The following CDIN1 variants were observed in gnomAD, a reference collection of about 807,000 sequenced individuals.
CDIN1 encodes CDAN1-interacting nuclease 1.
In CDIN1, 33 loss-of-function variants were observed where a neutral mutation model predicts 45.3. The ratio of observed to expected loss-of-function variants is 0.73; its 90% CI spans 0.55 to 0.97. The LOEUF (loss-of-function observed/expected upper bound fraction) is 0.97. Among genes scored for constraint, CDIN1 ranks in the 50% least tolerant of loss-of-function variants. CDIN1 has a pLI of 0.00. For missense variants in CDIN1, 303 were observed against 339.4 expected (o/e 0.89, Z 0.84); for synonymous variants, 118 against 124.4 (o/e 0.95, Z 0.34).
At chr15:36,618,594 G>A in intron 1 of CDIN1, 1 of 838,472 alleles carries the variant, frequency 1.2e-6, no homozygotes, top group South Asian at 1.3e-5. Context: ...AGAATAGGAT[G>A]TCTGATGTTG....
intron 5 of CDIN1, among the ~76,000 whole-genome samples, chr15:36,668,498 C>T (rs1263479782): frequency 6.6e-6 from 1 of 152,034 alleles, no homozygotes; most frequent in Non-Finnish European, 1.5e-5. Flanking sequence ...TTGGAAAACC[C>T]AAGCCTACAT....
chr15:36,634,574 G>T (rs549012654), intron 1 of CDIN1, among the ~76,000 whole-genome samples: 1 of 151,754 alleles, frequency 6.6e-6, no homozygotes, highest in Non-Finnish European at 1.5e-5. Flanking sequence ...TATTAATCTT[G>T]TCTCCAGTTA....
intron 10 of CDIN1, among the ~76,000 whole-genome samples, chr15:36,790,590 T>G (rs2054619145): frequency 6.6e-6 from 1 of 152,222 alleles, no homozygotes; most frequent in Non-Finnish European, 1.5e-5. Flanking sequence ...ATTCCCTGAC[T>G]TGATTATTAC....
At chr15:36,636,949 A>G (rs566013214) in intron 1 of CDIN1, among the ~76,000 whole-genome samples, 1 of 152,316 alleles carries the variant, frequency 6.6e-6, no homozygotes, top group South Asian at 2.1e-4. Context: ...AGTACGCAAG[A>G]ATGGAGAGAA....
chr15:36,738,185 C>T (rs548300841), intron 10 of CDIN1, among the ~76,000 whole-genome samples: 118 of 152,170 alleles, frequency 7.8e-4, no homozygotes, highest in Non-Finnish European at 1.5e-3. Flanking sequence ...CTAATACTTC[C>T]GAAAGCTATG....
chr15:36,770,110 T>TTCTCTC (rs150116594), intron 10 of CDIN1, among the ~76,000 whole-genome samples: 5 of 149,684 alleles, frequency 3.3e-5, no homozygotes, highest in East Asian at 2.0e-4. Flanking sequence ...CTTTCTCCCT[T>TTCTCTC]TCTCTCTCTC....
intron 10 of CDIN1, among the ~76,000 whole-genome samples, chr15:36,750,816 A>C (rs1270181293): frequency 6.6e-6 from 1 of 152,210 alleles, no homozygotes; most frequent in Non-Finnish European, 1.5e-5. Flanking sequence ...TTATAACTCA[A>C]CTGCTGAAAA....
intron 10 of CDIN1, among the ~76,000 whole-genome samples, chr15:36,753,683 C>A (rs541447649): frequency 6.6e-6 from 1 of 150,832 alleles, no homozygotes; most frequent in East Asian, 1.9e-4. Context: ...GCCAAAGGCA[C>A]CTGTGTTCTC....
chr15:36,787,662 A>G (rs1425815494), intron 10 of CDIN1, among the ~76,000 whole-genome samples: 2 of 152,184 alleles, frequency 1.3e-5, no homozygotes, highest in East Asian at 3.8e-4. Flanking sequence ...GTGATAATAC[A>G]TATACTTTTA....
chr15:36,650,453 T>A (rs947744960), intron 3 of CDIN1, among the ~76,000 whole-genome samples: 8 of 112,408 alleles, frequency 7.1e-5, no homozygotes, highest in African/African-American at 2.0e-4. Flanking sequence ...TTTATTTATT[T>A]ATTATTTGAG....
intron 1 of CDIN1, among the ~76,000 whole-genome samples, chr15:36,622,506 A>C (rs189669891): frequency 2.4e-4 from 36 of 152,338 alleles, no homozygotes; most frequent in Admixed American, 1.6e-3. Flanking sequence ...TCCTGGCATG[A>C]GCAAATTCTT....
chr15:36,737,822 A>G (rs1672739445), intron 10 of CDIN1, among the ~76,000 whole-genome samples: 2 of 152,218 alleles, frequency 1.3e-5, no homozygotes, highest in South Asian at 4.1e-4. Flanking sequence ...TGGGAGGTAC[A>G]TAGGGTGTCC....
At chr15:36,655,809 T>C (rs1363183626) in intron 4 of CDIN1, among the ~76,000 whole-genome samples, 3 of 152,210 alleles carry the variant, frequency 2.0e-5, no homozygotes, top group African/African-American at 4.8e-5. Context: ...CCCATCTATA[T>C]AGATGATGAT....
chr15:36,682,767 C>CAAAAAAAAAA, intron 5 of CDIN1, among the ~76,000 whole-genome samples: 1 of 61,400 alleles, frequency 1.6e-5, no homozygotes, highest in Non-Finnish European at 3.2e-5. Context: ...AAGACCCTGC[C>CAAAAAAAAAA]AAAAAAAAAA....
At chr15:36,621,230 C>T (rs75496801) in intron 1 of CDIN1, among the ~76,000 whole-genome samples, 3 of 152,190 alleles carry the variant, frequency 2.0e-5, no homozygotes, top group African/African-American at 4.8e-5. Flanking sequence ...TGTGACATAG[C>T]GTAAGCATCT....
At chr15:36,783,221 A>G (rs1425346805) in intron 10 of CDIN1, among the ~76,000 whole-genome samples, 1 of 152,218 alleles carries the variant, frequency 6.6e-6, no homozygotes, top group African/African-American at 2.4e-5. Context: ...CTTGCTAGAA[A>G]TCAGACCACA....
intron 1 of CDIN1, among the ~76,000 whole-genome samples, chr15:36,615,558 C>G (rs2038849911): frequency 6.6e-6 from 1 of 152,080 alleles, no homozygotes; most frequent in Admixed American, 6.5e-5. Flanking sequence ...AATTAATCTG[C>G]ACAATGAAGT....
intron 10 of CDIN1, among the ~76,000 whole-genome samples, chr15:36,805,256 A>G (rs1398534732): frequency 1.3e-5 from 2 of 152,134 alleles, no homozygotes; most frequent in East Asian, 3.9e-4. Context: ...ATTATAGTCA[A>G]CTTTAAAAAG....
chr15:36,614,216 C>G, intron 1 of CDIN1: 2 of 636,070 alleles, frequency 3.1e-6, no homozygotes, highest in South Asian at 2.8e-5. Context: ...CCCATTCCCA[C>G]CCTGCTGCTG....
Sources: allele counts gnomAD v4.1 joint callset (sites outside exome capture counted in the v4.1 genomes callset), GRCh38; gene constraint gnomAD v4.1.1; transcripts MANE v1.5; gene names NCBI Gene and HGNC (gene_info 2026-07-23, HGNC 2026-07-21).